The following PTPDC1 variants were observed in gnomAD, a reference collection of about 807,000 sequenced individuals.
PTPDC1 encodes protein tyrosine phosphatase domain-containing protein 1.
PTPDC1 carries 53 observed loss-of-function variants against 75.3 expected under a neutral mutation model. The observed-to-expected ratio is 0.70, with a 90% CI of 0.56 to 0.88. PTPDC1 has a LOEUF of 0.88. Among genes scored for constraint, PTPDC1 ranks in the 40% least tolerant of loss-of-function variants. The probability of loss-of-function intolerance (pLI) is 0.00; values close to 1 mark genes in which losing one functional copy is unlikely to be tolerated. For synonymous variants in PTPDC1, 349 were observed against 366.2 expected (o/e 0.95, Z 0.54); for missense variants, 925 against 998.6 (o/e 0.93, Z 0.99).
intron 1 of PTPDC1, among the ~76,000 whole-genome samples, chr9:94,060,603 A>G (rs1826098011): frequency 6.6e-6 from 1 of 152,226 alleles, no homozygotes; most frequent in Non-Finnish European, 1.5e-5. Context: ...GCATGGCAGC[A>G]TCGGCTTCTG....
At chr9:94,049,832 C>A (rs1305312324) in intron 1 of PTPDC1, among the ~76,000 whole-genome samples, 2 of 152,218 alleles carry the variant, frequency 1.3e-5, no homozygotes, top group Non-Finnish European at 2.9e-5. Context: ...TCCATTCTCC[C>A]CGTCACTTTC....
intron 2 of PTPDC1, among the ~76,000 whole-genome samples, chr9:94,087,268 G>C (rs767269326): frequency 6.6e-6 from 1 of 152,116 alleles, no homozygotes; most frequent in African/African-American, 2.4e-5. Context: ...GAGTTTCTTA[G>C]AGCTCTAATC....
At chr9:94,053,932 G>A (rs1413303536) in intron 1 of PTPDC1, among the ~76,000 whole-genome samples, 2 of 152,210 alleles carry the variant, frequency 1.3e-5, no homozygotes, top group South Asian at 2.1e-4. Flanking sequence ...TGAAAAAGCC[G>A]GCATTCAGAG....
rs200036336 is a variant in PTPDC1 at position 94,087,914 on chromosome 9, A to G, written c.497+3A>G. On this transcript the variant is annotated splice_donor_region_variant and intron_variant, in intron 3 of 8. Transcript: ENST00000620992. ...CACATCATTGATCAGTTCCTCAGGT[A>G]AATGCTGTATTGTTCACACACGAGT... 1.9e-4 allele frequency: 299 copies of G among 1,610,848 alleles called. No homozygotes were observed. The highest frequency in any genetic ancestry group is 2.5e-5 in the Non-Finnish European group (30 of 1,177,136).
chr9:94,032,058 G>GA (rs1564004850), intron 1 of PTPDC1, among the ~76,000 whole-genome samples: 1 of 152,170 alleles, frequency 6.6e-6, no homozygotes, highest in African/African-American at 2.4e-5. Context: ...TACTGTGTGG[G>GA]AAAACAAGCT....
intron 2 of PTPDC1, 128 bp downstream of exon 2, chr9:94,085,550 A>T: frequency 2.1e-6 from 2 of 940,716 alleles, no homozygotes; most frequent in South Asian, 3.7e-5. Flanking sequence ...TTTGCCAGTC[A>T]GTTCTGGCTT....
intron 4 of PTPDC1, among the ~76,000 whole-genome samples, chr9:94,093,092 A>T (rs1009512990): frequency 6.6e-6 from 1 of 152,032 alleles, no homozygotes; most frequent in South Asian, 2.1e-4. Context: ...ACATTTAAAG[A>T]TAATATTGTT....
intron 3 of PTPDC1, 87 bp downstream of exon 3, chr9:94,087,998 C>T: frequency 6.8e-7 from 1 of 1,468,884 alleles, no homozygotes; most frequent in Non-Finnish European, 9.5e-7. Context: ...AGAGTGCTTT[C>T]ATTTTAACAA....
At chr9:94,086,878 C>T (rs1033951234) in intron 2 of PTPDC1, among the ~76,000 whole-genome samples, 2 of 152,200 alleles carry the variant, frequency 1.3e-5, no homozygotes, top group African/African-American at 4.8e-5. Context: ...AAACCAAGCC[C>T]AACTGACTCT....
rs73518275 is a variant in PTPDC1 at position 94,084,853 on chromosome 9, T to C, written c.244+79T>C. On this transcript the variant is annotated intron_variant, in intron 1 of 8. Coordinates refer to ENST00000620992, the MANE Select transcript of PTPDC1 (RefSeq NM_001253829.2). ...GAATCAGCTGTGTTGTGTTTATACC[T>C]TTTTAAATATTGGCAGTTTATTCTA... is the stretch of plus-strand genomic sequence containing the variant. 5.3e-3 allele frequency: 5,309 copies of C among 1,005,794 alleles called. 178 individuals are homozygous for C. In the African/African-American group the frequency reaches 0.075, roughly 14 times the overall value. The allele number at this position is 1,005,794 out of a possible 1,614,324, so 62.3% of individuals were successfully genotyped here. A position where few individuals can be genotyped will look rare whatever the true frequency, so the allele number is the denominator to read the frequency against.
intron 1 of PTPDC1, among the ~76,000 whole-genome samples, chr9:94,045,302 A>G (rs1241974131): frequency 1.3e-5 from 2 of 152,066 alleles, no homozygotes; most frequent in Non-Finnish European, 2.9e-5. Flanking sequence ...CGCAGTAAAC[A>G]TACGTGTGCA....
At chr9:94,047,841 A>G (rs1661479143) in intron 1 of PTPDC1, among the ~76,000 whole-genome samples, 1 of 152,226 alleles carries the variant, frequency 6.6e-6, no homozygotes, top group African/African-American at 2.4e-5. Context: ...ATTCCTCAAC[A>G]CATACATCCT....
Position 94,085,376 on chromosome 9 carries a change from C to A in PTPDC1, c.370C>A (p.Arg124Ser). The change falls in exon 2 of 9, where the codon CGC (arginine) becomes AGC (serine). Residue 124 changes from arginine to serine, a missense_variant. By Grantham distance (110) the Arg-to-Ser change is moderately radical. Transcript: ENST00000620992. Reference protein sequence around the residue: ...GRACKYENPARWSEQEQAIKG... With the variant: ...GRACKYENPASWSEQEQAIKG... Reference sequence around the variant, plus strand: ...AGCTTGCAAGTATGAGAACCCAGCCCGCTGGAGTGAGCAGGAGCAAGCCAT... The same window carrying A: ...AGCTTGCAAGTATGAGAACCCAGCCAGCTGGAGTGAGCAGGAGCAAGCCAT... 1 of 1,614,194 alleles carries A rather than the reference C, an allele frequency of 6.2e-7. No homozygotes were observed. The highest frequency in any genetic ancestry group is 8.5e-7 in the Non-Finnish European group (1 of 1,180,034).
chr9:94,106,894 C>T (rs528598823), intron 8 of PTPDC1, among the ~76,000 whole-genome samples: 163 of 152,186 alleles, frequency 1.1e-3, no homozygotes, highest in African/African-American at 2.9e-3. Flanking sequence ...GTAAATAGTG[C>T]GCTCCCATCA....
intron 1 of PTPDC1, among the ~76,000 whole-genome samples, chr9:94,040,352 A>G (rs1003882373): frequency 6.6e-5 from 10 of 152,178 alleles, no homozygotes; most frequent in Non-Finnish European, 1.3e-4. Context: ...TTGAATATGT[A>G]TACATTAAGT....
chr9:94,043,979 G>C (rs1825510916), intron 1 of PTPDC1, among the ~76,000 whole-genome samples: 4 of 151,918 alleles, frequency 2.6e-5, no homozygotes, highest in Admixed American at 2.6e-4. Context: ...TATTTTTCTG[G>C]GTCTATTTCC....
chr9:94,105,414 G>A (rs1827979341), intron 8 of PTPDC1, among the ~76,000 whole-genome samples: 1 of 152,284 alleles, frequency 6.6e-6, no homozygotes, highest in East Asian at 1.9e-4. Flanking sequence ...TTACGCCTGT[G>A]ATCCCAGCAC....
rs1325321073 is a variant in PTPDC1, at chr9:94,108,011, G to A, written c.*67G>A. 3.6e-6 allele frequency: 3 copies of A among 841,502 alleles called. No individual in the cohort carries two copies. Among genetic ancestry groups the A allele is most frequent in the Non-Finnish European group, 5.1e-6 (3 of 587,182 alleles). The allele number at this position is 841,502 out of a possible 1,614,324, so 52.1% of individuals were successfully genotyped here. On this transcript the variant is annotated 3_prime_UTR_variant, in exon 9 of 9. Coordinates refer to ENST00000620992, the MANE Select transcript of PTPDC1 (RefSeq NM_001253829.2). ...AGTATCTCTGTTCATATGTGAATAA[G>A]TTGAAGATTGTGGGGCTACTTTTTC...
chr9:94,062,035 T>G (rs890952830), intron 1 of PTPDC1, among the ~76,000 whole-genome samples: 1 of 152,192 alleles, frequency 6.6e-6, no homozygotes, highest in African/African-American at 2.4e-5. Flanking sequence ...TAAATATAAG[T>G]TTTAGTTTCA....
Sources: allele counts gnomAD v4.1 joint callset (sites outside exome capture counted in the v4.1 genomes callset), GRCh38; gene constraint gnomAD v4.1.1; transcripts MANE v1.5; gene names NCBI Gene and HGNC (gene_info 2026-07-23, HGNC 2026-07-21).